The following JAG1 variants were observed in gnomAD, a reference collection of about 807,000 sequenced individuals.
The protein encoded by JAG1 is jagged canonical Notch ligand 1.
JAG1 carries 23 observed loss-of-function variants against 148.7 expected under a neutral mutation model. That is an observed-to-expected ratio of 0.15 (90% CI 0.11 to 0.22). The LOEUF (loss-of-function observed/expected upper bound fraction) is 0.22, where lower values mean the gene tolerates loss of function less well. Among genes scored for constraint, JAG1 ranks in the 10% least tolerant of loss-of-function variants. The probability of loss-of-function intolerance (pLI) is 1.00; values close to 1 mark genes in which losing one functional copy is unlikely to be tolerated. For synonymous variants in JAG1, 572 were observed against 598.3 expected (o/e 0.96, Z 0.64); for missense variants, 1,054 against 1,611.2 (o/e 0.65, Z 5.92).
chr20:10,667,657 T>C (rs1163851455), intron 2 of JAG1, among the ~76,000 whole-genome samples: 1 of 152,086 alleles, frequency 6.6e-6, no homozygotes, highest in Non-Finnish European at 1.5e-5. Flanking sequence ...GGGCTTGACA[T>C]GTCAATAGAG....
At chr20:10,663,826 T>C in intron 3 of JAG1, 137 bp downstream of exon 3, 1 of 752,246 alleles carries the variant, frequency 1.3e-6, no homozygotes, top group African/African-American at 1.7e-5. Flanking sequence ...AGGTTCACCC[T>C]GGGGTACAGG....
Position 10,645,436 on chromosome 20 carries a change from T to C in JAG1, c.2033A>G (p.Asn678Ser), listed in dbSNP as rs1262276450. The stretch of plus-strand genomic sequence containing the variant: ...GACCAGGTCGCGACACGTGCCCCCA[T>C]TGTGGCAGGGGTTCTGGCTGCAGTC... ...INDCSQNPCH[N>S]GGTCRDLVND... Residue 678 changes from asparagine (N) to serine (S), a missense_variant, in exon 16 of 26, where the codon AAT becomes AGT. By Grantham distance (46) the Asn-to-Ser change is conservative (BLOSUM62 1). Around this residue, in one of 6 missense-constraint regions of JAG1, gnomAD observed 35 missense variants for 99.7 expected, o/e 0.35. Transcript: ENST00000254958. The surrounding 1 kb of genome is among the most constrained non-coding windows in gnomAD (Gnocchi z 6.1). 1.9e-6 allele frequency: 3 copies of C among 1,613,728 alleles called. No homozygotes were observed. The highest frequency in any genetic ancestry group is 2.5e-6 in the Non-Finnish European group (3 of 1,179,988).
intron 2 of JAG1, among the ~76,000 whole-genome samples, chr20:10,671,523 C>T (rs889830662): frequency 9.2e-5 from 14 of 152,124 alleles, no homozygotes; most frequent in African/African-American, 3.1e-4. Flanking sequence ...TCTGTCTCCT[C>T]CCAGAATCAC....
At position 10,649,029 on chromosome 20, in the gene JAG1, C is replaced by T. The variant is rs780171576; in HGVS notation, c.1395+32G>A. The T allele has an allele frequency of 5.1e-6, 8 of 1,562,666 alleles. No individual in the cohort carries two copies. In the Admixed American group the frequency reaches 1.3e-4, roughly 26 times the overall value. ...AATCTAAAGATTTGTTGTCAATTGT[C>T]AAAGTTTTGATTTAAGCAAAGATTT... is the stretch of plus-strand genomic sequence containing the variant. On this transcript the variant is annotated intron_variant, in intron 11 of 25. Coordinates refer to ENST00000254958, the MANE Select transcript of JAG1 (RefSeq NM_000214.3).
At position 10,647,992 on chromosome 20, in the gene JAG1, A is replaced by G; in HGVS notation, c.1688T>C (p.Leu563Pro). The G allele has an allele frequency of 6.2e-7, 1 of 1,614,174 alleles. No homozygotes were observed. Among genetic ancestry groups the G allele is most frequent in the Non-Finnish European group, 8.5e-7 (1 of 1,180,030 alleles). The change falls in exon 13 of 26, where the codon CTG becomes CCG. Residue 563 changes from leucine (L) to proline (P), a missense_variant. Transcript: ENST00000254958. ...EDYEGKNCSH[L>P]KDHCRTTPCE... ...GGGGGTCGTGCGGCAGTGGTCTTTC[A>G]GGTGTGAGCAGTTCTTGCCCTCATA... is the stretch of plus-strand genomic sequence containing the variant.
intron 2 of JAG1, among the ~76,000 whole-genome samples, chr20:10,670,834 G>A (rs749927351): frequency 1.3e-5 from 2 of 152,186 alleles, no homozygotes; most frequent in Non-Finnish European, 2.9e-5. Flanking sequence ...AACCACAGAA[G>A]AGCACCAGCA....
intron 13 of JAG1, 53 bp downstream of exon 13, chr20:10,647,907 G>A (rs986327065): frequency 3.0e-5 from 48 of 1,594,372 alleles, no homozygotes; most frequent in Non-Finnish European, 3.8e-5. Context: ...GTAGTAAGTG[G>A]GGACAAAAGG....
rs35826283 is a variant in JAG1 at position 10,659,559 on chromosome 20, C to CTTTTTTTTTTTTTTTTTTT, written c.440-856_440-838dup. Among the ~76,000 whole-genome samples, 12 of 105,156 alleles carry CTTTTTTTTTTTTTTTTTTT rather than the reference C, an allele frequency of 1.1e-4. 5 individuals are homozygous for CTTTTTTTTTTTTTTTTTTT. Among genetic ancestry groups the CTTTTTTTTTTTTTTTTTTT allele is most frequent in the African/African-American group, 2.9e-4 (8 of 27,216 alleles). 69.0% of individuals were successfully genotyped at this position (105,156 alleles called of 152,430 possible). ...GGAAGCCAAGGAGACGATTAAGTTA[C>CTTTTTTTTTTTTTTTTTTT]TTTTTTTTTTTTTTTTTTTTTTTTT... On this transcript the variant is annotated intron_variant, in intron 3 of 25. Transcript: ENST00000254958.
chr20:10,671,714 C>T (rs1231736443), intron 2 of JAG1, among the ~76,000 whole-genome samples: 1 of 152,194 alleles, frequency 6.6e-6, no homozygotes, highest in Non-Finnish European at 1.5e-5. Context: ...GCAGAGGGCA[C>T]ACCCCCAACA....
rs746619807 is a variant in JAG1 at position 10,645,928 on chromosome 20, T to C, written c.1999+43A>G. 2 of 1,320,506 alleles carry C rather than the reference T, an allele frequency of 1.5e-6. No individual in the cohort carries two copies. Among genetic ancestry groups the C allele is most frequent in the South Asian group, 1.2e-5 (1 of 85,210 alleles). 81.8% of individuals were successfully genotyped at this position (1,320,506 alleles called of 1,614,324 possible). A position where few individuals can be genotyped will look rare whatever the true frequency, so the allele number is the denominator to read the frequency against. On this transcript the variant is annotated intron_variant, in intron 15 of 25. Transcript: ENST00000254958. The surrounding 1 kb of genome is among the most constrained non-coding windows in gnomAD (Gnocchi z 6.1). Reference sequence around the variant, plus strand: ...ACGTTGAAGTGGGATCCCTCCAACATGACCCATACATCCCAGAGCTCCCCA... The same window carrying C: ...ACGTTGAAGTGGGATCCCTCCAACACGACCCATACATCCCAGAGCTCCCCA...
rs138284356 is a variant in JAG1, at chr20:10,649,722, G to T, written c.1235-87C>A. 5.2e-4 allele frequency: 402 copies of T among 774,280 alleles called. 1 individual carries two copies. In the African/African-American group the frequency reaches 5.9e-3, roughly 11 times the overall value. The allele number at this position is 774,280 out of a possible 1,614,324, so 48.0% of individuals were successfully genotyped here. The stretch of plus-strand genomic sequence containing the variant: ...AAAAAAAAAGAACAGGCCAGAGTTT[G>T]TCTGAGACATGAGACATTTTAATAA... On this transcript the variant is annotated intron_variant, in intron 9 of 25. Coordinates refer to ENST00000254958, the MANE Select transcript of JAG1 (RefSeq NM_000214.3).
chr20:10,655,264 C>T (rs2067371016), intron 5 of JAG1, among the ~76,000 whole-genome samples: 6 of 152,200 alleles, frequency 3.9e-5, no homozygotes, highest in Admixed American at 3.9e-4. Flanking sequence ...ATTTACTAAG[C>T]AGCAAAGTCA....
At chr20:10,661,174 T>C (rs181554784) in intron 3 of JAG1, among the ~76,000 whole-genome samples, 1 of 152,286 alleles carries the variant, frequency 6.6e-6, no homozygotes. Flanking sequence ...CAGCCTTAAA[T>C]ACTTTCAAAT....
intron 6 of JAG1, 69 bp downstream of exon 6, chr20:10,652,399 A>C (rs1423172274): frequency 9.3e-6 from 15 of 1,606,360 alleles, no homozygotes; most frequent in Non-Finnish European, 1.0e-5. Flanking sequence ...CTGCCAATAA[A>C]ATTAGAAACC....
At chr20:10,660,509 T>C (rs1372056029) in intron 3 of JAG1, among the ~76,000 whole-genome samples, 2 of 152,182 alleles carry the variant, frequency 1.3e-5, no homozygotes, top group African/African-American at 4.8e-5. Flanking sequence ...GCATCCAGCT[T>C]CTGAGGCTGG....
rs150295026 is a variant in JAG1 at position 10,639,503 on chromosome 20, C to T, written c.3652G>A (p.Val1218Ile). ...GCGGCAGTGCCCGCGGTCTGCTATA[C>T]GATGTACTCCATTCGGTTTAAGCTC... Reference protein sequence around the residue: ...AQSLNRMEYIV With the variant: ...AQSLNRMEYII Residue 1218 changes from valine to isoleucine, a missense_variant, in exon 26 of 26, where the codon GTA (valine) becomes ATA (isoleucine). Coordinates refer to ENST00000254958, the MANE Select transcript of JAG1 (RefSeq NM_000214.3). 5.1e-5 allele frequency: 83 copies of T among 1,613,954 alleles called. No individual in the cohort carries two copies. The highest frequency in any genetic ancestry group is 6.1e-5 in the Non-Finnish European group (72 of 1,179,898).
At chr20:10,646,251 A>C (rs1359246569) in intron 14 of JAG1, 167 bp from the exon 15 acceptor site, 3 of 654,806 alleles carry the variant, frequency 4.6e-6, no homozygotes, top group Non-Finnish European at 8.4e-6. Context: ...CTTATCAAGC[A>C]GAAGCTTCCA....
chr20:10,655,558 G>C (rs2067373083), intron 5 of JAG1, among the ~76,000 whole-genome samples: 1 of 152,142 alleles, frequency 6.6e-6, no homozygotes, highest in Admixed American at 6.5e-5. Context: ...GGACATACTG[G>C]TTTAGACTAT....
At position 10,639,810 on chromosome 20, in the gene JAG1, C is replaced by T; in HGVS notation, c.3345G>A (p.Val1115=). ...TTTTGATCTGGTTCAGCTGCTCCCG[C>T]ACGTTGTTGGTGGTGTTGTCCTCAG... is the stretch of plus-strand genomic sequence containing the variant. ...SASEDNTTNN[V]REQLNQIKNP... The change falls in exon 26 of 26, where the codon GTG becomes GTA. Residue 1115 remains valine (V), a synonymous_variant. Transcript: ENST00000254958. 1 of 1,614,216 alleles carries T rather than the reference C, an allele frequency of 6.2e-7. No homozygotes were observed. The highest frequency in any genetic ancestry group is 8.5e-7 in the Non-Finnish European group (1 of 1,180,044).
Sources: allele counts gnomAD v4.1 joint callset (sites outside exome capture counted in the v4.1 genomes callset), GRCh38; gene constraint gnomAD v4.1.1; regional missense constraint gnomAD v4.1.1; non-coding constraint Gnocchi (gnomAD v3.1); transcripts MANE v1.5; gene names NCBI Gene and HGNC (gene_info 2026-07-23, HGNC 2026-07-21).